The following RHD variants were observed in gnomAD, a reference collection of about 807,000 sequenced individuals.
The protein encoded by RHD is blood group Rh(D) polypeptide.
RHD carries 16 observed loss-of-function variants against 45.5 expected under a neutral mutation model. The observed-to-expected ratio is 0.35, with a 90% CI of 0.24 to 0.53. RHD has a LOEUF of 0.53. RHD is among the 20% of genes least tolerant of loss of function. The pLI, the probability that RHD is intolerant of heterozygous loss-of-function variation, is 0.92. For missense variants in RHD, 306 were observed against 532.0 expected, an observed-to-expected ratio of 0.58 and a Z score of 4.18; for synonymous variants, 131 against 217.5, an observed-to-expected ratio of 0.60 and a Z score of 3.50.
chr1:25,285,652 C>T lies in RHD; in HGVS notation c.335+893C>T, dbSNP rs142300527. On this transcript the variant is annotated intron_variant, in intron 2 of 9. Coordinates refer to ENST00000328664, the MANE Select transcript of RHD (RefSeq NM_016124.6). ...TGATTAGGAAGGAACACAAAATAACCGCATGGGGTGCAGAAAATGTTCTCT... is the reference window on the plus strand; with the variant it reads ...TGATTAGGAAGGAACACAAAATAACTGCATGGGGTGCAGAAAATGTTCTCT... 1.1e-3 allele frequency among the ~76,000 whole-genome samples: 143 copies of T among 135,266 alleles called. 9 individuals are homozygous for T. Among genetic ancestry groups the T allele is most frequent in the East Asian group, 7.7e-4 (4 of 5,162 alleles). The allele number at this position is 135,266 out of a possible 152,430, so 88.7% of individuals were successfully genotyped here.
chr1:25,275,133 T>C (rs1179317166), intron 1 of RHD, among the ~76,000 whole-genome samples: 5 of 131,050 alleles, frequency 3.8e-5, no homozygotes, highest in African/African-American at 1.3e-4. Context: ...CTACTAAAAA[T>C]ACAAAAATTA....
chr1:25,282,355 C>A (rs1321198718), intron 1 of RHD, among the ~76,000 whole-genome samples: 1 of 131,462 alleles, frequency 7.6e-6, no homozygotes, highest in African/African-American at 2.6e-5. Context: ...CTGCCTGCCT[C>A]CCGAGTAGCT....
rs1464279216 is a variant in RHD, at chr1:25,315,712, G to T, written c.1074-1288G>T. 3.9e-5 allele frequency among the ~76,000 whole-genome samples: 5 copies of T among 129,174 alleles called. 1 individual carries two copies. In the East Asian group the frequency reaches 9.8e-4, roughly 25 times the overall value. The allele number at this position is 129,174 out of a possible 152,430, so 84.7% of individuals were successfully genotyped here. ...GGGGTTTCACTGTGTTAGCCAGGAT[G>T]GTCTCCATCTCCTGACCTCATGATC... is the stretch of plus-strand genomic sequence containing the variant. On this transcript the variant is annotated intron_variant, in intron 7 of 9. Transcript: ENST00000328664.
rs568450315 is a variant in RHD, at chr1:25,293,338, G to A, written c.486+2547G>A. Among the ~76,000 whole-genome samples, 24 of 128,212 alleles carry A rather than the reference G, an allele frequency of 1.9e-4. 5 individuals are homozygous for A. In the South Asian group the frequency reaches 5.2e-3, roughly 28 times the overall value. 84.1% of individuals were successfully genotyped at this position (128,212 alleles called of 152,430 possible). Reference sequence around the variant, plus strand: ...GCACTGATACCTTTAGGCCGATGCAGGGACAGTTCATCTTTTTTTTTTTTT... The same window carrying A: ...GCACTGATACCTTTAGGCCGATGCAAGGACAGTTCATCTTTTTTTTTTTTT... On this transcript the variant is annotated intron_variant, in intron 3 of 9. Coordinates refer to ENST00000328664, the MANE Select transcript of RHD (RefSeq NM_016124.6).
rs368006348 is a variant in RHD at position 25,307,145 on chromosome 1, T to G, written c.1073+416T>G. On this transcript the variant is annotated intron_variant, in intron 7 of 9. Transcript: ENST00000328664. ...GTCGCCCCATTGTAAATGGAGATAA[T>G]GATACTATCTCCCCTCACAGGACTG... Among the ~76,000 whole-genome samples the G allele has an allele frequency of 1.7e-4, 23 of 132,522 alleles. 4 individuals carry two copies. The highest frequency in any genetic ancestry group is 9.5e-4 in the Admixed American group (13 of 13,674). The allele number at this position is 132,522 out of a possible 152,430, so 86.9% of individuals were successfully genotyped here.
rs1358725556 is a variant in RHD, at chr1:25,304,766, G to A, written c.939+1307G>A. 6 of 131,458 alleles carry A rather than the reference G, an allele frequency of 4.6e-5. 1 individual carries two copies. The highest frequency in any genetic ancestry group is 4.4e-4 in the Admixed American group (6 of 13,526). 8.1% of individuals were successfully genotyped at this position (131,458 alleles called of 1,614,324 possible). Reference sequence around the variant, plus strand: ...GATTAACCAAAACCAGGGCAAATCTGATTTTCATCTTTGCAAGGGGAACAA... The same window carrying A: ...GATTAACCAAAACCAGGGCAAATCTAATTTTCATCTTTGCAAGGGGAACAA... On this transcript the variant is annotated intron_variant, in intron 6 of 9. Coordinates refer to ENST00000328664, the MANE Select transcript of RHD (RefSeq NM_016124.6).
At chr1:25,284,071 T>C (rs901865813) in intron 1 of RHD, among the ~76,000 whole-genome samples, 1 of 135,188 alleles carries the variant, frequency 7.4e-6, no homozygotes, top group Non-Finnish European at 1.8e-5. Context: ...GATTATGTGG[T>C]TCCCAACAAC....
chr1:25,313,211 C>T (rs1644261570), intron 7 of RHD, among the ~76,000 whole-genome samples: 1 of 130,232 alleles, frequency 7.7e-6, no homozygotes, highest in South Asian at 2.4e-4. Flanking sequence ...ATGCTCTTGC[C>T]CTCTTGCCAT....
chr1:25,285,849 G>A (rs1467050004), intron 2 of RHD, among the ~76,000 whole-genome samples: 2 of 134,016 alleles, frequency 1.5e-5, no homozygotes, highest in Admixed American at 7.1e-5. Context: ...AGGCATCTTA[G>A]GGACCTCTCA....
chr1:25,323,570 C>T (rs1273575657), intron 9 of RHD, among the ~76,000 whole-genome samples: 1 of 125,782 alleles, frequency 8.0e-6, no homozygotes, highest in African/African-American at 2.8e-5. Flanking sequence ...GGAGATCCTC[C>T]CCCCTCAGCC....
Position 25,292,364 on chromosome 1 carries a change from A to T in RHD, c.486+1573A>T, listed in dbSNP as rs1474890960. Among the ~76,000 whole-genome samples the T allele has an allele frequency of 2.3e-5, 3 of 132,730 alleles. 1 individual carries two copies. Among genetic ancestry groups the T allele is most frequent in the Non-Finnish European group, 5.4e-5 (3 of 55,996 alleles). 87.1% of individuals were successfully genotyped at this position (132,730 alleles called of 152,430 possible). Reference sequence around the variant, plus strand: ...GCAAGAGAGGAAGCAGGTGGAGACCAGAGCGGCAGTGATTGCCATCATCCA... The same window carrying T: ...GCAAGAGAGGAAGCAGGTGGAGACCTGAGCGGCAGTGATTGCCATCATCCA... On this transcript the variant is annotated intron_variant, in intron 3 of 9. Transcript: ENST00000328664.
chr1:25,302,143 C>T (rs1643435252), intron 5 of RHD, among the ~76,000 whole-genome samples: 1 of 131,278 alleles, frequency 7.6e-6, no homozygotes, highest in Non-Finnish European at 1.8e-5. Context: ...TTTTGAGTCT[C>T]AGTGGCCTCA....
chr1:25,314,296 C>T (rs568157960), intron 7 of RHD, among the ~76,000 whole-genome samples: 3 of 132,824 alleles, frequency 2.3e-5, no homozygotes, highest in East Asian at 3.9e-4. Context: ...CTATTGTTTA[C>T]ATTTTGATAT....
At chr1:25,281,128 A>G (rs1173609855) in intron 1 of RHD, among the ~76,000 whole-genome samples, 1 of 132,776 alleles carries the variant, frequency 7.5e-6, no homozygotes, top group Non-Finnish European at 1.8e-5. Flanking sequence ...TGAGAGAAGA[A>G]AGAGCTAGAG....
chr1:25,321,033 G>C (rs548280011), intron 8 of RHD, among the ~76,000 whole-genome samples: 2 of 131,286 alleles, frequency 1.5e-5, no homozygotes, highest in Admixed American at 1.5e-4. Context: ...AACAGAATGA[G>C]ACTCTGTCCC....
chr1:25,293,043 T>C lies in RHD; in HGVS notation c.486+2252T>C, dbSNP rs1642644616. On this transcript the variant is annotated intron_variant, in intron 3 of 9. Coordinates refer to ENST00000328664, the MANE Select transcript of RHD (RefSeq NM_016124.6). ...TCGGATGAGGGCTGGGAAGTAGCCA[T>C]TGGATTTGGCCAGGAGACCTTGGCA... Among the ~76,000 whole-genome samples, 2 of 129,730 alleles carry C rather than the reference T, an allele frequency of 1.5e-5. 1 individual carries two copies. Among genetic ancestry groups the C allele is most frequent in the Non-Finnish European group, 3.6e-5 (2 of 55,314 alleles). The allele number at this position is 129,730 out of a possible 152,430, so 85.1% of individuals were successfully genotyped here.
rs540566388 is a variant in RHD, at chr1:25,311,993, T to G, written c.1074-5007T>G. Among the ~76,000 whole-genome samples the G allele has an allele frequency of 2.5e-5, 3 of 121,594 alleles. No homozygotes were observed. The South Asian group carries it at 7.7e-4, about 31-fold the overall frequency. The allele number at this position is 121,594 out of a possible 152,430, so 79.8% of individuals were successfully genotyped here. On this transcript the variant is annotated intron_variant, in intron 7 of 9. Coordinates refer to ENST00000328664, the MANE Select transcript of RHD (RefSeq NM_016124.6). ...GGCCACCGCCAAGACCCCAGAATGG[T>G]AGAGCTATCATAGTGCAATGCCAGC...
rs1643321912 is a variant in RHD, at chr1:25,300,768, C to T, written c.487-178C>T. On this transcript the variant is annotated intron_variant, in intron 3 of 9. Transcript: ENST00000328664. ...ATGTTCCAGTGAGCCGAGATCGTGCCATTGCACTCCAGCCTGGGCAGAGCC... is the reference window on the plus strand; with the variant it reads ...ATGTTCCAGTGAGCCGAGATCGTGCTATTGCACTCCAGCCTGGGCAGAGCC... Among the ~76,000 whole-genome samples the T allele has an allele frequency of 1.5e-5, 2 of 131,948 alleles. 1 individual carries two copies. Among genetic ancestry groups the T allele is most frequent in the South Asian group, 4.6e-4 (2 of 4,322 alleles). The allele number at this position is 131,948 out of a possible 152,430, so 86.6% of individuals were successfully genotyped here.
chr1:25,312,759 A>G (rs1392214248), intron 7 of RHD, among the ~76,000 whole-genome samples: 2 of 117,128 alleles, frequency 1.7e-5, no homozygotes, highest in East Asian at 2.0e-4. Flanking sequence ...CTACAAATAA[A>G]ATTAAATAAA....
Sources: gnomAD v4.1 joint callset for allele counts (sites outside exome capture counted in the v4.1 genomes callset) on GRCh38, gnomAD v4.1.1 for gene constraint, MANE v1.5 for transcripts, NCBI Gene and HGNC (gene_info 2026-07-23, HGNC 2026-07-21) for gene names.